KATNAL2: variants seen among roughly 807,000 people sequenced by gnomAD.
The protein encoded by KATNAL2 is katanin catalytic subunit A1 like 2, also known as katanin p60 ATPase-containing subunit A-like 2.
Under a neutral mutation model 76.3 loss-of-function variants are expected in KATNAL2, and 52 were observed. That is an observed-to-expected ratio of 0.68 (90% CI 0.55 to 0.86). The LOEUF (loss-of-function observed/expected upper bound fraction) is 0.86. Among genes scored for constraint, KATNAL2 ranks in the 40% least tolerant of loss-of-function variants. KATNAL2 has a pLI of 0.00. For missense variants in KATNAL2, 660 were observed against 668.9 expected (o/e 0.99, Z 0.15); for synonymous variants, 243 against 244.2 (o/e 1.00, Z 0.05).
intron 3 of KATNAL2, among the ~76,000 whole-genome samples, chr18:46,957,412 A>G (rs1056019579): frequency 1.7e-3 from 261 of 150,020 alleles, no homozygotes; most frequent in African/African-American, 5.6e-3. Flanking sequence ...CCGCCACCTC[A>G]CCCGGCTAAT....
chr18:47,061,137 A>G (rs2061618913), intron 8 of KATNAL2, among the ~76,000 whole-genome samples: 1 of 152,234 alleles, frequency 6.6e-6, no homozygotes, highest in Non-Finnish European at 1.5e-5. Flanking sequence ...GGCCAATCTC[A>G]GAAAACCCCA....
chr18:46,929,824 G>C (rs1297025337), intron 1 of KATNAL2, among the ~76,000 whole-genome samples: 2 of 152,048 alleles, frequency 1.3e-5, no homozygotes, highest in African/African-American at 2.4e-5. Flanking sequence ...ACCCGGGCTA[G>C]AGTACAGTGA....
intron 3 of KATNAL2, among the ~76,000 whole-genome samples, chr18:46,950,371 T>C (rs1027519817): frequency 1.3e-5 from 2 of 152,166 alleles, no homozygotes; most frequent in Non-Finnish European, 2.9e-5. Flanking sequence ...TGATCCAGTG[T>C]GTTAGATATA....
chr18:47,075,092 C>T (rs145781762), intron 13 of KATNAL2, among the ~76,000 whole-genome samples, 185 bp from the exon 14 acceptor site: 4 of 152,248 alleles, frequency 2.6e-5, no homozygotes, highest in South Asian at 2.1e-4. Flanking sequence ...TGGAAATAAT[C>T]GGACCATCCA....
At chr18:46,926,972 G>A (rs1311522062) in intron 1 of KATNAL2, among the ~76,000 whole-genome samples, 2 of 152,134 alleles carry the variant, frequency 1.3e-5, no homozygotes, top group Non-Finnish European at 2.9e-5. Context: ...TTGAGCCTAT[G>A]TGTGTCTCTG....
At position 46,917,671 on chromosome 18, in the gene KATNAL2, C is replaced by T; in HGVS notation, c.-765C>T. On this transcript the variant is annotated 5_prime_UTR_variant, in exon 1 of 18. Transcript: ENST00000683218. ...TGCCCCGCGGCTTGGCCCCGCTCGG[C>T]CCCAGGTCGTGCCTTCCCTCCCCGG... 1 of 594,790 alleles carries T rather than the reference C, an allele frequency of 1.7e-6. No homozygotes were observed. Among genetic ancestry groups the T allele is most frequent in the Non-Finnish European group, 2.1e-6 (1 of 471,110 alleles). The allele number at this position is 594,790 out of a possible 1,614,324, so 36.8% of individuals were successfully genotyped here.
At chr18:47,095,870 G>A (rs2063210376) in intron 15 of KATNAL2, among the ~76,000 whole-genome samples, 3 of 152,176 alleles carry the variant, frequency 2.0e-5, no homozygotes, top group African/African-American at 7.2e-5. Context: ...CAATTGGAGT[G>A]CTAGGCAAAG....
rs571583483 is a variant in KATNAL2, at chr18:47,100,440, T to C, written c.1477+84T>C. On this transcript the variant is annotated intron_variant, in intron 17 of 17. Coordinates refer to ENST00000683218, the MANE Select transcript of KATNAL2 (RefSeq NM_001387690.1). Reference sequence around the variant, plus strand: ...AGCAGATGGAGCCTGGCGCCTGTTCTTGGTGCCGCTTTACACTTGGCAATG... The same window carrying C: ...AGCAGATGGAGCCTGGCGCCTGTTCCTGGTGCCGCTTTACACTTGGCAATG... 1.2e-5 allele frequency: 13 copies of C among 1,095,810 alleles called. No homozygotes were observed. In the African/African-American group the frequency reaches 1.7e-4, roughly 14 times the overall value. The allele number at this position is 1,095,810 out of a possible 1,614,324, so 67.9% of individuals were successfully genotyped here.
At chr18:46,920,863 C>T (rs575079149) in intron 1 of KATNAL2, among the ~76,000 whole-genome samples, 2 of 152,170 alleles carry the variant, frequency 1.3e-5, no homozygotes, top group Non-Finnish European at 2.9e-5. Context: ...GAGGGAGGTG[C>T]AGTAATCTTA....
intron 3 of KATNAL2, chr18:47,034,668 G>A: frequency 3.1e-6 from 5 of 1,613,602 alleles, no homozygotes; most frequent in Non-Finnish European, 4.2e-6. Context: ...CCTGAGCCGC[G>A]TGAGTGTGGC....
intron 1 of KATNAL2, among the ~76,000 whole-genome samples, chr18:46,930,992 A>G (rs1040619728): frequency 3.3e-5 from 5 of 151,760 alleles, no homozygotes; most frequent in Non-Finnish European, 5.9e-5. Flanking sequence ...AGTCCTAGCT[A>G]CTCGGGAGGC....
At chr18:46,936,993 A>G (rs1445282532) in intron 1 of KATNAL2, among the ~76,000 whole-genome samples, 1 of 152,152 alleles carries the variant, frequency 6.6e-6, no homozygotes. Context: ...ATGCCAGAAA[A>G]CAAGATTAAG....
chr18:47,095,517 T>C (rs1375903909), intron 15 of KATNAL2, among the ~76,000 whole-genome samples: 1 of 152,220 alleles, frequency 6.6e-6, no homozygotes, highest in African/African-American at 2.4e-5. Context: ...GATTGTCAGT[T>C]TCTTGAGGCC....
At position 47,063,276 on chromosome 18, in the gene KATNAL2, C is replaced by T. The variant is rs1169439444; in HGVS notation, c.649-8C>T. The stretch of plus-strand genomic sequence containing the variant: ...TTGTAATGTGAGCCTTTCCGCTCCT[C>T]TCATCAGGAACGACTGCTGAAACCT... On this transcript the variant is annotated splice_region_variant and splice_polypyrimidine_tract_variant and intron_variant, in intron 9 of 17. Transcript: ENST00000683218. 1 of 1,612,536 alleles carries T rather than the reference C, an allele frequency of 6.2e-7. No homozygotes were observed. The highest frequency in any genetic ancestry group is 8.5e-7 in the Non-Finnish European group (1 of 1,179,172).
chr18:46,924,944 CTT>C (rs1330234312), intron 1 of KATNAL2, among the ~76,000 whole-genome samples: 1 of 152,158 alleles, frequency 6.6e-6, no homozygotes, highest in Non-Finnish European at 1.5e-5. Flanking sequence ...TATCCTGAGA[CTT>C]TGCTGAAGTT....
At chr18:46,959,701 G>A (rs1457633462) in intron 3 of KATNAL2, among the ~76,000 whole-genome samples, 1 of 152,160 alleles carries the variant, frequency 6.6e-6, no homozygotes, top group African/African-American at 2.4e-5. Flanking sequence ...AGCCTCCTGA[G>A]TAGCTGAGAT....
intron 3 of KATNAL2, among the ~76,000 whole-genome samples, chr18:46,961,574 C>G (rs527781362): frequency 6.6e-6 from 1 of 152,266 alleles, no homozygotes; most frequent in African/African-American, 2.4e-5. Flanking sequence ...TTAAATTCTC[C>G]CCTAGCTGAA....
At chr18:47,066,846 T>TGC (rs746487725) in intron 10 of KATNAL2, among the ~76,000 whole-genome samples, 175 bp from the exon 11 acceptor site, 1 of 61,616 alleles carries the variant, frequency 1.6e-5, no homozygotes, top group Non-Finnish European at 3.1e-5. Flanking sequence ...TATATATGTG[T>TGC]TTATATATAT....
intron 4 of KATNAL2, among the ~76,000 whole-genome samples, chr18:47,048,473 G>A (rs1473944065): frequency 6.6e-6 from 1 of 152,096 alleles, no homozygotes; most frequent in African/African-American, 2.4e-5. Flanking sequence ...GAGTGCCCCC[G>A]TCCCATGGTT....
Sources: gnomAD v4.1 joint callset for allele counts (sites outside exome capture counted in the v4.1 genomes callset) on GRCh38, gnomAD v4.1.1 for gene constraint, MANE v1.5 for transcripts, NCBI Gene and HGNC (gene_info 2026-07-23, HGNC 2026-07-21) for gene names.